Variants in CEACAM3 observed in about 807,000 individuals in gnomAD.
CEACAM3 encodes cell adhesion molecule CEACAM3.
In CEACAM3, 32 loss-of-function variants were observed where a neutral mutation model predicts 30.1. The observed-to-expected ratio is 1.06, with a 90% CI of 0.80 to 1.43. The LOEUF (loss-of-function observed/expected upper bound fraction) is 1.43, where lower values mean the gene tolerates loss of function less well. CEACAM3 is among the 40% of genes most tolerant of loss of function. CEACAM3 has a pLI of 0.00. For synonymous variants in CEACAM3, 134 were observed against 127.2 expected (o/e 1.05, Z -0.36); for missense variants, 290 against 316.3 (o/e 0.92, Z 0.63).
Position 41,807,028 on chromosome 19 carries a change from G to A in CEACAM3, c.425-1785G>A. 5 of 1,588,138 alleles carry A rather than the reference G, an allele frequency of 3.1e-6. No homozygotes were observed. In the South Asian group the frequency reaches 5.6e-5, roughly 18 times the overall value. The stretch of plus-strand genomic sequence containing the variant: ...AGGAGTGGAGTTGGCCAAAGAATAG[G>A]AGATGTTGATTCTGATTAAAATATG... On this transcript the variant is annotated intron_variant, in intron 2 of 6. Coordinates refer to ENST00000357396, the MANE Select transcript of CEACAM3 (RefSeq NM_001815.5).
At chr19:41,807,056 TG>T (rs782418802) in intron 2 of CEACAM3, 1 of 1,606,766 alleles carries the variant, frequency 6.2e-7, no homozygotes. Flanking sequence ...AAAATATGCC[TG>T]TGGAGGAATC....
At chr19:41,807,108 C>G in intron 2 of CEACAM3, 3 of 1,609,544 alleles carry the variant, frequency 1.9e-6, no homozygotes, top group Non-Finnish European at 2.5e-6. Flanking sequence ...GTTTTCTGCA[C>G]AGCGGAGCTG....
At chr19:41,803,719 G>GTCAGTT (rs2073174937) in intron 2 of CEACAM3, among the ~76,000 whole-genome samples, 1 of 50,564 alleles carries the variant, frequency 2.0e-5, no homozygotes, top group Non-Finnish European at 8.1e-5. Flanking sequence ...GCCCGCCTTG[G>GTCAGTT]CCTCCAAAAG....
At chr19:41,809,258 G>A in intron 3 of CEACAM3, 1 of 288,536 alleles carries the variant, frequency 3.5e-6, no homozygotes, top group South Asian at 8.7e-5. Flanking sequence ...GGCGTGCTCT[G>A]TACTTGGTAC....
intron 3 of CEACAM3, chr19:41,809,676 G>A: frequency 3.0e-6 from 1 of 335,202 alleles, no homozygotes; most frequent in Non-Finnish European, 5.6e-6. Flanking sequence ...AAACCCTCGT[G>A]GTCTGTTTCC....
chr19:41,796,708 G>A lies in CEACAM3; in HGVS notation c.31G>A (p.Glu11Lys), dbSNP rs542097412. 2.4e-5 allele frequency: 38 copies of A among 1,614,024 alleles called. No homozygotes were observed. The highest frequency in any genetic ancestry group is 3.2e-5 in the Non-Finnish European group (38 of 1,179,932). The change falls in exon 1 of 7, where the codon GAA becomes AAA. Residue 11 changes from glutamate to lysine, a missense_variant. Transcript: ENST00000357396. MGPPSASPHR[E>K]CIPWQGLLLT... is the part of the protein sequence containing the mutation. ...GCCCCCCTCAGCCTCTCCCCACAGA[G>A]AATGCATCCCCTGGCAGGGGCTTCT... is the stretch of plus-strand genomic sequence containing the variant.
At position 41,808,908 on chromosome 19, in the gene CEACAM3, C is replaced by T. The variant is rs2073226137; in HGVS notation, c.520C>T (p.Leu174=). 6.3e-7 allele frequency: 1 copy of T among 1,595,860 alleles called. No individual in the cohort carries two copies. The highest frequency in any genetic ancestry group is 8.5e-7 in the Non-Finnish European group (1 of 1,172,246). The stretch of plus-strand genomic sequence containing the variant: ...GCTGGTGGCCGCGCTGGTGTGTTTC[C>T]TGCTCCTTGCCAAAACTGGAAGGTA... ...VALVAALVCF[L]LLAKTGRTSI... is the part of the protein sequence containing the mutation. Residue 174 remains leucine (L), a synonymous_variant, in exon 3 of 7, where the codon CTG becomes TTG. Transcript: ENST00000357396.
At chr19:41,806,320 G>A (rs1167560724) in intron 2 of CEACAM3, among the ~76,000 whole-genome samples, 2 of 152,036 alleles carry the variant, frequency 1.3e-5, no homozygotes, top group African/African-American at 4.8e-5. Flanking sequence ...GTGAGCCACC[G>A]CACCCGGCCT....
intron 2 of CEACAM3, among the ~76,000 whole-genome samples, chr19:41,805,447 C>G (rs1349601555): frequency 1.3e-5 from 2 of 152,068 alleles, no homozygotes; most frequent in Non-Finnish European, 2.9e-5. Context: ...TGCCACCACA[C>G]CTGGCTAATT....
chr19:41,803,148 C>T (rs555090035), intron 2 of CEACAM3, among the ~76,000 whole-genome samples: 148 of 152,066 alleles, frequency 9.7e-4, no homozygotes, highest in African/African-American at 3.4e-3. Flanking sequence ...ATTAGCAGAA[C>T]GGGAATTTAA....
At position 41,810,900 on chromosome 19, in the gene CEACAM3, G is replaced by C. The variant is rs782473952; in HGVS notation, c.693+3G>C. 1 of 1,613,382 alleles carries C rather than the reference G, an allele frequency of 6.2e-7. No homozygotes were observed. The highest frequency in any genetic ancestry group is 8.5e-7 in the Non-Finnish European group (1 of 1,179,610). On this transcript the variant is annotated splice_donor_region_variant and intron_variant, in intron 6 of 6. Transcript: ENST00000357396. The stretch of plus-strand genomic sequence containing the variant: ...GGACAGCAGCTTCCATCTATGAGGT[G>C]AGTGTGGGCCACGGATGTTCTGGTC...
intron 2 of CEACAM3, among the ~76,000 whole-genome samples, chr19:41,805,768 A>G (rs2073193519): frequency 1.3e-5 from 2 of 152,248 alleles, no homozygotes; most frequent in Non-Finnish European, 2.9e-5. Flanking sequence ...CACAGAGTCC[A>G]TGAGGACCAG....
Position 41,808,822 on chromosome 19 carries a change from C to T in CEACAM3, c.434C>T (p.Ala145Val), listed in dbSNP as rs1245044551. ...CTTCTTCTTTCTGCAGAAGAAAATGCCCCAGGCCTTCCTGTGGGGGCCGTC... is the reference window on the plus strand; with the variant it reads ...CTTCTTCTTTCTGCAGAAGAAAATGTCCCAGGCCTTCCTGTGGGGGCCGTC... ...TGQFHVYQEN[A>V]PGLPVGAVAG... The change falls in exon 3 of 7, where the codon GCC becomes GTC. Residue 145 changes from alanine (A) to valine (V), a missense_variant. Physicochemically the swap from Ala to Val is moderately conservative, Grantham distance 64. Transcript: ENST00000357396. 3 of 1,612,970 alleles carry T rather than the reference C, an allele frequency of 1.9e-6. No homozygotes were observed. The highest frequency in any genetic ancestry group is 2.7e-5 in the African/African-American group (2 of 75,030).
chr19:41,803,834 CT>C (rs1437253815), intron 2 of CEACAM3, among the ~76,000 whole-genome samples: 16 of 152,190 alleles, frequency 1.1e-4, no homozygotes, highest in African/African-American at 3.6e-4. Flanking sequence ...AATCCCTGCA[CT>C]TTGGGAGGCT....
chr19:41,805,824 A>G (rs2073193811), intron 2 of CEACAM3, among the ~76,000 whole-genome samples: 1 of 152,142 alleles, frequency 6.6e-6, no homozygotes, highest in Non-Finnish European at 1.5e-5. Context: ...TCAGTTCTGC[A>G]TTTGCAAACG....
chr19:41,809,363 G>T (rs993520871), intron 3 of CEACAM3: 1 of 172,472 alleles, frequency 5.8e-6, no homozygotes, highest in African/African-American at 2.4e-5. Flanking sequence ...GACCAGCCTG[G>T]ACAGGCTGGG....
intron 2 of CEACAM3, 35 bp downstream of exon 2, chr19:41,797,983 G>T (rs782260155): frequency 1.3e-6 from 2 of 1,569,792 alleles, no homozygotes; most frequent in African/African-American, 1.4e-5. Context: ...GGTGTTGGGG[G>T]TCAGTTCTAC....
At chr19:41,809,754 A>C in intron 3 of CEACAM3, 1 of 547,720 alleles carries the variant, frequency 1.8e-6, no homozygotes, top group Non-Finnish European at 3.3e-6. Context: ...CATCTGCCTG[A>C]GGGTCCTTCC....
Position 41,797,970 on chromosome 19 carries a change from C to T in CEACAM3, c.424+22C>T, listed in dbSNP as rs1169160044. On this transcript the variant is annotated intron_variant, in intron 2 of 6. Transcript: ENST00000357396. The stretch of plus-strand genomic sequence containing the variant: ...TACCGTGAGTATTTCCACATGACCT[C>T]TGGGTGTTGGGGGTCAGTTCTACTT... The T allele has an allele frequency of 1.9e-6, 3 of 1,578,252 alleles. No homozygotes were observed. In the South Asian group the frequency reaches 3.6e-5, roughly 19 times the overall value.
Sources: allele counts gnomAD v4.1 joint callset (sites outside exome capture counted in the v4.1 genomes callset), GRCh38; gene constraint gnomAD v4.1.1; transcripts MANE v1.5; gene names NCBI Gene and HGNC (gene_info 2026-07-23, HGNC 2026-07-21).